The following SLC5A11 variants were observed in gnomAD, a reference collection of about 807,000 sequenced individuals.
SLC5A11 encodes solute carrier family 5 member 11, also known as sodium/myo-inositol cotransporter 2.
SLC5A11 carries 48 observed loss-of-function variants against 69.8 expected under a neutral mutation model. The observed-to-expected ratio is 0.69, with a 90% CI of 0.55 to 0.87. The LOEUF is 0.87. Among genes scored for constraint, SLC5A11 ranks in the 40% least tolerant of loss-of-function variants. The pLI is 0.00. For missense variants in SLC5A11, 784 were observed against 866.1 expected, an observed-to-expected ratio of 0.91 and a Z score of 1.19; for synonymous variants, 319 against 342.4, an observed-to-expected ratio of 0.93 and a Z score of 0.75.
intron 10 of SLC5A11, among the ~76,000 whole-genome samples, chr16:24,903,147 G>A (rs74594379): frequency 2.4e-4 from 37 of 151,300 alleles, no homozygotes; most frequent in African/African-American, 7.8e-4. Context: ...TTTCAGTCCC[G>A]ATTCAAAACC....
intron 4 of SLC5A11, among the ~76,000 whole-genome samples, chr16:24,871,800 CTGT>C (rs1474524200): frequency 6.6e-6 from 1 of 152,056 alleles, no homozygotes; most frequent in East Asian, 1.9e-4. Context: ...TCTCGGAGAC[CTGT>C]GTTAACTCTT....
chr16:24,868,895 G>A (rs1389869776), intron 3 of SLC5A11, among the ~76,000 whole-genome samples: 1 of 142,252 alleles, frequency 7.0e-6, no homozygotes, highest in African/African-American at 2.6e-5. Context: ...TTTTTGAGAC[G>A]GAGTCTCTGT....
At chr16:24,901,630 C>A (rs953585070) in intron 10 of SLC5A11, among the ~76,000 whole-genome samples, 2 of 151,886 alleles carry the variant, frequency 1.3e-5, no homozygotes, top group East Asian at 1.9e-4. Flanking sequence ...TTCATTCACT[C>A]ATTTATTTAT....
At chr16:24,885,161 G>A (rs1407915548) in intron 8 of SLC5A11, among the ~76,000 whole-genome samples, 1 of 152,148 alleles carries the variant, frequency 6.6e-6, no homozygotes, top group Non-Finnish European at 1.5e-5. Context: ...GCTGCCAACG[G>A]TCATGTCTCT....
chr16:24,879,999 T>C (rs2047934931), intron 7 of SLC5A11, among the ~76,000 whole-genome samples: 1 of 152,184 alleles, frequency 6.6e-6, no homozygotes, highest in Non-Finnish European at 1.5e-5. Context: ...CATGTGTCTT[T>C]TTGGTAGGAT....
intron 9 of SLC5A11, among the ~76,000 whole-genome samples, chr16:24,896,952 T>A (rs1394298401): frequency 7.4e-6 from 1 of 135,512 alleles, no homozygotes; most frequent in Non-Finnish European, 1.6e-5. Context: ...CTTTTTTTTT[T>A]TTTTTTTTTT....
At chr16:24,910,343 T>C (rs2050417853) in exon 15 of SLC5A11, 2 of 1,614,056 alleles carry the variant, frequency 1.2e-6, no homozygotes, top group Non-Finnish European at 1.7e-6. Flanking sequence ...CACGACCCCG[T>C]GGTCCAGAAG....
At chr16:24,877,739 A>C (rs2047771846) in intron 7 of SLC5A11, among the ~76,000 whole-genome samples, 1 of 152,170 alleles carries the variant, frequency 6.6e-6, no homozygotes, top group South Asian at 2.1e-4. Context: ...TAATCCCTGC[A>C]CTTTGGGAGG....
At chr16:24,859,137 G>C (rs778704330) in intron 2 of SLC5A11, 4 of 167,524 alleles carry the variant, frequency 2.4e-5, no homozygotes, top group Admixed American at 6.4e-5. Flanking sequence ...CCCTTACTTC[G>C]AAGCTCATGT....
chr16:24,877,075 C>T, intron 6 of SLC5A11, 183 bp from the exon 8 acceptor site: 1 of 1,454,532 alleles, frequency 6.9e-7, no homozygotes, highest in Non-Finnish European at 9.1e-7. Flanking sequence ...AGCCCAGGGC[C>T]CACAGGGCTC....
At chr16:24,901,956 A>ACACACACGCG (rs1393594765) in intron 10 of SLC5A11, among the ~76,000 whole-genome samples, 35 of 95,884 alleles carry the variant, frequency 3.7e-4, no homozygotes, top group African/African-American at 9.8e-4. Flanking sequence ...ACACACACAC[A>ACACACACGCG]CGCACACACA....
chr16:24,904,088 A>C (rs1597284389), intron 10 of SLC5A11, among the ~76,000 whole-genome samples: 1 of 152,224 alleles, frequency 6.6e-6, no homozygotes, highest in Non-Finnish European at 1.5e-5. Context: ...TAAAACCATC[A>C]GATCTCATGA....
At chr16:24,872,304 C>A in intron 5 of SLC5A11, 85 bp downstream of exon 6, 1 of 1,466,042 alleles carries the variant, frequency 6.8e-7, no homozygotes, top group Non-Finnish European at 9.6e-7. Flanking sequence ...ATCCCGCCAT[C>A]CCTCCCTCCT....
chr16:24,861,775 GAAAA>G (rs2065607305), intron 2 of SLC5A11, among the ~76,000 whole-genome samples: 1 of 143,510 alleles, frequency 7.0e-6, no homozygotes, highest in Admixed American at 7.0e-5. Context: ...GAAAGAGAAA[GAAAA>G]AGGAAGGAAG....
chr16:24,910,275 A>C (rs770076268), intron 14 of SLC5A11, 31 bp from the exon 16 acceptor site: 2 of 1,609,402 alleles, frequency 1.2e-6, no homozygotes, highest in East Asian at 4.5e-5. Flanking sequence ...CACCTCCACC[A>C]CAAATCTCAT....
intron 3 of SLC5A11, among the ~76,000 whole-genome samples, chr16:24,867,392 C>A (rs1234004880): frequency 6.6e-6 from 1 of 152,054 alleles, no homozygotes; most frequent in Non-Finnish European, 1.5e-5. Flanking sequence ...AAAACTTACA[C>A]CACAATGCCC....
intron 1 of SLC5A11, among the ~76,000 whole-genome samples, chr16:24,849,593 A>AAAAAAT: frequency 1.9e-4 from 7 of 35,910 alleles, no homozygotes; most frequent in African/African-American, 6.4e-4. Flanking sequence ...AAAAAAAAAA[A>AAAAAAT]ATATATATAT....
chr16:24,864,184 C>A (rs2046774548), intron 3 of SLC5A11, among the ~76,000 whole-genome samples: 1 of 152,132 alleles, frequency 6.6e-6, no homozygotes, highest in Admixed American at 6.6e-5. Context: ...TGTGCATAGG[C>A]CCACACACAT....
chr16:24,882,082 T>C (rs892886882), intron 7 of SLC5A11, among the ~76,000 whole-genome samples: 8 of 152,146 alleles, frequency 5.3e-5, no homozygotes, highest in Admixed American at 3.9e-4. Context: ...CCATAGCTGA[T>C]GAATGTTGGT....
Sources: gnomAD v4.1 joint callset for allele counts (sites outside exome capture counted in the v4.1 genomes callset) on GRCh38, gnomAD v4.1.1 for gene constraint, MANE v1.5 for transcripts, NCBI Gene and HGNC (gene_info 2026-07-23, HGNC 2026-07-21) for gene names.